The following MAF variants were observed in gnomAD, a reference collection of about 807,000 sequenced individuals.
The protein encoded by MAF is transcription factor Maf.
MAF carries 10 observed loss-of-function variants against 22.0 expected under a neutral mutation model. The ratio of observed to expected loss-of-function variants is 0.45; its 90% CI spans 0.28 to 0.77. The LOEUF is 0.77. Among genes scored for constraint, MAF ranks in the 30% least tolerant of loss-of-function variants. The pLI is 0.12. For missense variants in MAF, 544 were observed against 548.4 expected (o/e 0.99, Z 0.08); for synonymous variants, 337 against 255.8 (o/e 1.32, Z -3.03).
At chr16:79,585,646 G>A (rs542206233), downstream of MAF, among the ~76,000 whole-genome samples, 1 of 152,206 alleles carries the variant, frequency 6.6e-6, no homozygotes, top group East Asian at 1.9e-4. Flanking sequence ...AAAAATAAAT[G>A]CATGCTGATT....
chr16:79,409,776 G>C, the MAF span, among the ~76,000 whole-genome samples: 219 of 152,300 alleles, frequency 1.4e-3, no homozygotes, highest in African/African-American at 5.0e-3. Context: ...ACTCTACAGA[G>C]GCTAGATCAG....
the MAF span, among the ~76,000 whole-genome samples, chr16:79,381,701 T>C: frequency 1.3e-5 from 2 of 152,166 alleles, no homozygotes; most frequent in Non-Finnish European, 2.9e-5. Context: ...GGCAGTCTTC[T>C]CTTGGAGAGA....
chr16:79,581,348 T>G (rs187779984), downstream of MAF, among the ~76,000 whole-genome samples: 5 of 152,292 alleles, frequency 3.3e-5, no homozygotes, highest in East Asian at 9.7e-4. Context: ...GACTCAGCCC[T>G]TTAATTAACT....
chr16:79,420,498 A>AC, the MAF span, among the ~76,000 whole-genome samples: 1 of 152,170 alleles, frequency 6.6e-6, no homozygotes, highest in Non-Finnish European at 1.5e-5. Flanking sequence ...TTCACAGCAA[A>AC]ATAGAACAAA....
chr16:79,560,897 T>A, the MAF span, among the ~76,000 whole-genome samples: 1 of 152,234 alleles, frequency 6.6e-6, no homozygotes, highest in Non-Finnish European at 1.5e-5. Context: ...ACTACCTAAC[T>A]GTTTTGGAGA....
chr16:79,441,556 C>T, the MAF span, among the ~76,000 whole-genome samples: 7 of 152,172 alleles, frequency 4.6e-5, no homozygotes, highest in African/African-American at 1.4e-4. Context: ...AATTTCATAA[C>T]ATTTTTACAG....
the MAF span, among the ~76,000 whole-genome samples, chr16:79,467,989 C>T: frequency 6.6e-6 from 1 of 152,024 alleles, no homozygotes; most frequent in African/African-American, 2.4e-5. Flanking sequence ...ATTGCAAAAA[C>T]ATTAACATTA....
At chr16:79,332,305 A>AT in the MAF span, among the ~76,000 whole-genome samples, 28 of 150,560 alleles carry the variant, frequency 1.9e-4, no homozygotes, top group South Asian at 2.1e-4. Flanking sequence ...TAATAATAAT[A>AT]TTTTTTTTTT....
At chr16:79,242,387 AG>A in the MAF span, among the ~76,000 whole-genome samples, 1 of 151,696 alleles carries the variant, frequency 6.6e-6, no homozygotes, top group Non-Finnish European at 1.5e-5. Context: ...GAAAAAAAAA[AG>A]CAGGGGTTGC....
chr16:79,349,678 G>A, the MAF span, among the ~76,000 whole-genome samples: 2 of 152,080 alleles, frequency 1.3e-5, no homozygotes, highest in Non-Finnish European at 2.9e-5. Flanking sequence ...GGACTAGGGG[G>A]GCATTTCGTG....
the MAF span, among the ~76,000 whole-genome samples, chr16:79,421,925 G>A: frequency 6.6e-5 from 10 of 152,288 alleles, no homozygotes; most frequent in East Asian, 1.7e-3. Context: ...TCACAGGCAT[G>A]TGCCATCACA....
the MAF span, among the ~76,000 whole-genome samples, chr16:79,232,480 T>G: frequency 6.6e-6 from 1 of 152,110 alleles, no homozygotes; most frequent in South Asian, 2.1e-4. Context: ...AGAAAGAAAC[T>G]TGGAGTCTTG....
At chr16:79,569,338 A>G in the MAF span, among the ~76,000 whole-genome samples, 1 of 152,158 alleles carries the variant, frequency 6.6e-6, no homozygotes. Flanking sequence ...TCCCTGGAGG[A>G]GCAGCATCCT....
chr16:79,358,397 T>A, the MAF span, among the ~76,000 whole-genome samples: 1 of 152,102 alleles, frequency 6.6e-6, no homozygotes, highest in African/African-American at 2.4e-5. Context: ...CCTCCCTCGT[T>A]CACTGATCCC....
At chr16:79,558,158 C>A in the MAF span, among the ~76,000 whole-genome samples, 23,246 of 152,074 alleles carry the variant, frequency 0.15, 2,420 homozygotes, top group East Asian at 0.48. Context: ...GTTTTTCCTG[C>A]CTGTGGGGGG....
the MAF span, among the ~76,000 whole-genome samples, chr16:79,556,807 A>G: frequency 6.6e-6 from 1 of 152,208 alleles, no homozygotes; most frequent in Non-Finnish European, 1.5e-5. Flanking sequence ...ACACATCTGA[A>G]CAATGAGGAT....
the MAF span, among the ~76,000 whole-genome samples, chr16:79,482,479 T>C: frequency 2.6e-5 from 4 of 152,114 alleles, no homozygotes; most frequent in African/African-American, 7.2e-5. Flanking sequence ...ATGCTATCAA[T>C]TGATTAAAAC....
At chr16:79,537,497 G>C in the MAF span, among the ~76,000 whole-genome samples, 1 of 152,204 alleles carries the variant, frequency 6.6e-6, no homozygotes, top group East Asian at 1.9e-4. Context: ...ACAGCTCTAA[G>C]TTCGTGCGGC....
chr16:79,357,429 C>G, the MAF span, among the ~76,000 whole-genome samples: 1 of 152,134 alleles, frequency 6.6e-6, no homozygotes, highest in African/African-American at 2.4e-5. Flanking sequence ...GAGACACTGT[C>G]TCAAAAAACA....
Sources: allele counts gnomAD v4.1 joint callset (sites outside exome capture counted in the v4.1 genomes callset), GRCh38; gene constraint gnomAD v4.1.1; transcripts MANE v1.5; gene names NCBI Gene and HGNC (gene_info 2026-07-23, HGNC 2026-07-21).